Variants in FAM83H observed in about 807,000 individuals in gnomAD.
FAM83H encodes scaffolding CK1 anchoring protein H.
Under a neutral mutation model 30.2 loss-of-function variants are expected in FAM83H, and 24 were observed. The ratio of observed to expected loss-of-function variants is 0.79; its 90% CI spans 0.57 to 1.12. The LOEUF (loss-of-function observed/expected upper bound fraction) is 1.12, where lower values mean the gene tolerates loss of function less well. Ranked by LOEUF, FAM83H falls within the 50% of genes most tolerant of loss-of-function variation. The pLI is 0.00. For synonymous variants in FAM83H, 1,013 were observed against 821.7 expected (o/e 1.23, Z -3.98); for missense variants, 2,038 against 1,773.9 (o/e 1.15, Z -2.67).
At chr8:143,731,868 TG>T in intron 1 of FAM83H, 1 of 985,032 alleles carries the variant, frequency 1.0e-6, no homozygotes, top group Non-Finnish European at 1.2e-6. Flanking sequence ...AGGTGTCAGA[TG>T]GGGAGCGCCC....
chr8:143,726,185 G>A lies in FAM83H; in HGVS notation c.3276C>T (p.Ala1092=), dbSNP rs561597324. The change falls in exon 5 of 5, where the codon GCC becomes GCT. Residue 1092 remains alanine, a synonymous_variant. Transcript: ENST00000388913. ...TCCCCAAGCTGTCCGAGCGGAAGAT[G>A]GCTGAACACTTGTCCTTGTCGGACA... ...PDMSDKDKCS[A]IFRSDSLGTQ... is the part of the protein sequence containing the mutation. 6.2e-7 allele frequency: 1 copy of A among 1,612,374 alleles called. No homozygotes were observed. The highest frequency in any genetic ancestry group is 1.3e-5 in the African/African-American group (1 of 75,050).
At position 143,726,628 on chromosome 8, in the gene FAM83H, A is replaced by G; in HGVS notation, c.2833T>C (p.Ser945Pro). 1 of 1,597,812 alleles carries G rather than the reference A, an allele frequency of 6.3e-7. No individual in the cohort carries two copies. The highest frequency in any genetic ancestry group is 8.5e-7 in the Non-Finnish European group (1 of 1,177,790). ...TCCTCCGCGGGCCCGGCCTTCGGGG[A>G]CTCCCCGGAGATGGTAAGGGTGAGG... ...GSLTLTISGE[S>P]PKAGPAEEGP... is the part of the protein sequence containing the mutation. Residue 945 changes from serine (S) to proline (P), a missense_variant, in exon 5 of 5, where the codon TCC (serine) becomes CCC (proline). Coordinates refer to ENST00000388913, the MANE Select transcript of FAM83H (RefSeq NM_198488.5).
Position 143,727,628 on chromosome 8 carries a change from G to C in FAM83H, c.1833C>G (p.Asp611Glu). The change falls in exon 5 of 5, where the codon GAC (aspartate) becomes GAG (glutamate). Residue 611 changes from aspartate (D) to glutamate (E), a missense_variant. By Grantham distance (45) the Asp-to-Glu change is conservative (BLOSUM62 2). Transcript: ENST00000388913. Reference sequence around the variant, plus strand: ...CCCGGCCCCCGGGAGCCAGCACGTCGTCTTCGTAAGCCTCCGCTTCCATGG... The same window carrying C: ...CCCGGCCCCCGGGAGCCAGCACGTCCTCTTCGTAAGCCTCCGCTTCCATGG... ...PAPMEAEAYE[D>E]DVLAPGGRAP... 6.3e-7 allele frequency: 1 copy of C among 1,580,142 alleles called. No homozygotes were observed. The highest frequency in any genetic ancestry group is 8.5e-7 in the Non-Finnish European group (1 of 1,170,260).
chr8:143,732,633 C>T (rs1818568740), intron 1 of FAM83H: 1 of 985,350 alleles, frequency 1.0e-6, no homozygotes, highest in African/African-American at 1.7e-5. Context: ...AGCAGACATG[C>T]CTCGTCCTCA....
In FAM83H at chr8:143,729,285, G is replaced by T; in HGVS notation, c.486C>A (p.Asp162Glu). 1.2e-6 allele frequency: 2 copies of T among 1,613,372 alleles called. No homozygotes were observed. The highest frequency in any genetic ancestry group is 2.2e-5 in the South Asian group (2 of 91,086). Residue 162 changes from aspartate to glutamate, a missense_variant, in exon 3 of 5, where the codon GAC becomes GAA. By Grantham distance (45) the Asp-to-Glu change is conservative (BLOSUM62 2). Transcript: ENST00000388913. ...AVVMDMFTDV[D>E]LLSEVLEAAA... ...CGGCCTCCAGCACTTCGCTGAGCAG[G>T]TCCACATCAGTGAACATGTCCATCA...
chr8:143,732,304 G>A, intron 1 of FAM83H: 1 of 985,422 alleles, frequency 1.0e-6, no homozygotes, highest in Non-Finnish European at 1.2e-6. Flanking sequence ...TGACATATGG[G>A]GCTGGTTAGG....
chr8:143,727,963 G>T lies in FAM83H; in HGVS notation c.1498C>A (p.Leu500Ile). The change falls in exon 5 of 5, where the codon CTC becomes ATC. Residue 500 changes from leucine (L) to isoleucine (I), a missense_variant. Transcript: ENST00000388913. ...TLGAGPRFPE[L>I]GPDGHQRLDY... ...AGCCGCTGGTGCCCGTCGGGTCCGAGCTCCGGGAAGCGGGGCCCGGCGCCC... is the reference window on the plus strand; with the variant it reads ...AGCCGCTGGTGCCCGTCGGGTCCGATCTCCGGGAAGCGGGGCCCGGCGCCC... 6.4e-7 allele frequency: 1 copy of T among 1,565,104 alleles called. No homozygotes were observed. Among genetic ancestry groups the T allele is most frequent in the East Asian group, 2.3e-5 (1 of 43,552 alleles).
intron 1 of FAM83H, chr8:143,732,392 C>G (rs1818555774): frequency 1.0e-6 from 1 of 985,256 alleles, no homozygotes; most frequent in Non-Finnish European, 1.2e-6. Flanking sequence ...CTGGCTGGGC[C>G]GAGGAGCCCA....
At position 143,727,945 on chromosome 8, in the gene FAM83H, G is replaced by T. The variant is rs1554622998; in HGVS notation, c.1516C>A (p.Gln506Lys). 3 of 1,548,930 alleles carry T rather than the reference G, an allele frequency of 1.9e-6. No individual in the cohort carries two copies. The Admixed American group carries it at 5.8e-5, about 30-fold the overall frequency. ...CTGGACGGCACGTAGTCCAGCCGCT[G>T]GTGCCCGTCGGGTCCGAGCTCCGGG... is the stretch of plus-strand genomic sequence containing the variant. ...RFPELGPDGH[Q>K]RLDYVPSSAS... The change falls in exon 5 of 5, where the codon CAG becomes AAG. Residue 506 changes from glutamine (Q) to lysine (K), a missense_variant. Gln to Lys is a moderately conservative substitution (Grantham distance 53). Coordinates refer to ENST00000388913, the MANE Select transcript of FAM83H (RefSeq NM_198488.5).
At position 143,729,060 on chromosome 8, in the gene FAM83H, G is replaced by T. The variant is rs782246993; in HGVS notation, c.644C>A (p.Thr215Asn). 2 of 1,613,548 alleles carry T rather than the reference G, an allele frequency of 1.2e-6. No homozygotes were observed. Among genetic ancestry groups the T allele is most frequent in the Admixed American group, 3.3e-5 (2 of 60,030 alleles). ...FLRVRTVAGPTYYCRTGKSFK... is the reference protein window; with the variant it reads ...FLRVRTVAGPNYYCRTGKSFK... ...GGACTTCCCAGTGCGGCAGTAGTAG[G>T]TGGGGCCCGCCACAGTCCGTACGCG... Residue 215 changes from threonine (T) to asparagine (N), a missense_variant, in exon 4 of 5, where the codon ACC (threonine) becomes AAC (asparagine). By Grantham distance (65) the Thr-to-Asn change is moderately conservative. Coordinates refer to ENST00000388913, the MANE Select transcript of FAM83H (RefSeq NM_198488.5).
chr8:143,727,982 G>A lies in FAM83H; in HGVS notation c.1479C>T (p.Ala493=), dbSNP rs782798167. The A allele has an allele frequency of 5.1e-6, 8 of 1,578,918 alleles. No individual in the cohort carries two copies. The Admixed American group carries it at 7.3e-5, about 14-fold the overall frequency. ...GTCCGAGCTCCGGGAAGCGGGGCCC[G>A]GCGCCCAGGGTGAAGTCATCCGGGT... ...FADPDDFTLG[A]GPRFPELGPD... is the part of the protein sequence containing the mutation. Residue 493 remains alanine, a synonymous_variant, in exon 5 of 5, where the codon GCC becomes GCT. Transcript: ENST00000388913.
At position 143,730,356 on chromosome 8, in the gene FAM83H, C is replaced by T. The variant is rs782095942; in HGVS notation, c.227G>A (p.Arg76Gln). The change falls in exon 2 of 5, where the codon CGA becomes CAA. Residue 76 changes from arginine (R) to glutamine (Q), a missense_variant. By Grantham distance (43) the Arg-to-Gln change is conservative (BLOSUM62 1). Transcript: ENST00000388913. The part of the protein sequence containing the change: ...RHLRPPQYVT[R>Q]EPPEGSLLDV... ...GAGAAGGCTGCCTTCAGGTGGCTCT[C>T]GGGTAACATACTGCGGAGGCCGAAG... is the stretch of plus-strand genomic sequence containing the variant. The T allele has an allele frequency of 2.6e-5, 42 of 1,613,570 alleles. No homozygotes were observed. The highest frequency in any genetic ancestry group is 1.6e-4 in the Middle Eastern group (1 of 6,080).
rs1554621678 is a variant in FAM83H at position 143,726,282 on chromosome 8, G to A, written c.3179C>T (p.Pro1060Leu). 3 of 1,612,144 alleles carry A rather than the reference G, an allele frequency of 1.9e-6. No homozygotes were observed. Among genetic ancestry groups the A allele is most frequent in the Admixed American group, 1.7e-5 (1 of 59,964 alleles). The change falls in exon 5 of 5, where the codon CCG becomes CTG. Residue 1060 changes from proline (P) to leucine (L), a missense_variant. By Grantham distance (98) the Pro-to-Leu change is moderately conservative. Coordinates refer to ENST00000388913, the MANE Select transcript of FAM83H (RefSeq NM_198488.5). Reference sequence around the variant, plus strand: ...GCTGTTGTGGGTCGGGCCGGGGCTCGGGGCAGGGACCGCACGGTGCTTCTG... The same window carrying A: ...GCTGTTGTGGGTCGGGCCGGGGCTCAGGGCAGGGACCGCACGGTGCTTCTG... ...HGQKHRAVPA[P>L]SPGPTHNSPE... is the part of the protein sequence containing the mutation.
At chr8:143,732,246 G>C (rs1350016047) in intron 1 of FAM83H, 1 of 985,310 alleles carries the variant, frequency 1.0e-6, no homozygotes, top group Non-Finnish European at 1.2e-6. Context: ...CAACCGGCTT[G>C]GGAGAAGCTG....
In FAM83H at chr8:143,730,423, C is replaced by T; in HGVS notation, c.160G>A (p.Asp54Asn). 1 of 1,612,862 alleles carries T rather than the reference C, an allele frequency of 6.2e-7. No individual in the cohort carries two copies. The highest frequency in any genetic ancestry group is 1.3e-5 in the African/African-American group (1 of 75,070). Reference protein sequence around the residue: ...SRFLATEGAPDFLCPEELEHV... With the variant: ...SRFLATEGAPNFLCPEELEHV... ...TCCAGCTCTTCAGGGCACAGGAAGT[C>T]TGGTGCCCCCTCGGTAGCGAGGAAG... Residue 54 changes from aspartate to asparagine, a missense_variant, in exon 2 of 5, where the codon GAC (aspartate) becomes AAC (asparagine). Asp to Asn is a conservative substitution (Grantham distance 23). Coordinates refer to ENST00000388913, the MANE Select transcript of FAM83H (RefSeq NM_198488.5).
Position 143,726,589 on chromosome 8 carries a change from G to C in FAM83H, c.2872C>G (p.Pro958Ala). 2.5e-6 allele frequency: 4 copies of C among 1,600,816 alleles called. No individual in the cohort carries two copies. Among genetic ancestry groups the C allele is most frequent in the Non-Finnish European group, 2.5e-6 (3 of 1,178,514 alleles). The change falls in exon 5 of 5, where the codon CCC (proline) becomes GCC (alanine). Residue 958 changes from proline to alanine, a missense_variant. By Grantham distance (27) the Pro-to-Ala change is conservative. Transcript: ENST00000388913. ...AGPAEEGPSG[P>A]MEVLRKGSLR... Reference sequence around the variant, plus strand: ...GAGCCTTTGCGCAGGACTTCCATGGGGCCGCTCGGCCCCTCCTCCGCGGGC... The same window carrying C: ...GAGCCTTTGCGCAGGACTTCCATGGCGCCGCTCGGCCCCTCCTCCGCGGGC...
In FAM83H at chr8:143,726,922, C is replaced by T. The variant is rs902408587; in HGVS notation, c.2539G>A (p.Gly847Arg). ...TCCAGCGGCAGAGGGCTGTCCAGCC[C>T]TTGCGGGGACGTTGAGTGGCTCTGG... ...SAQSHSTSPQ[G>R]LDSPLPLEGS... Residue 847 changes from glycine (G) to arginine (R), a missense_variant, in exon 5 of 5, where the codon GGG (glycine) becomes AGG (arginine). Coordinates refer to ENST00000388913, the MANE Select transcript of FAM83H (RefSeq NM_198488.5). 11 of 1,612,040 alleles carry T rather than the reference C, an allele frequency of 6.8e-6. No homozygotes were observed. In the South Asian group the frequency reaches 7.7e-5, roughly 11 times the overall value.
chr8:143,731,689 C>T lies in FAM83H; in HGVS notation c.-15-1092G>A, dbSNP rs1259930272. The stretch of plus-strand genomic sequence containing the variant: ...GCCCTGCAGGGCCTGCACTCCACAT[C>T]GCCCAAATCTGGCTCTCCACTTGCT... On this transcript the variant is annotated intron_variant, in intron 1 of 4. Transcript: ENST00000388913. 13 of 985,358 alleles carry T rather than the reference C, an allele frequency of 1.3e-5. No individual in the cohort carries two copies. The African/African-American group carries it at 1.7e-4, about 13-fold the overall frequency. The allele number at this position is 985,358 out of a possible 1,614,324, so 61.0% of individuals were successfully genotyped here.
rs530884669 is a variant in FAM83H, at chr8:143,728,192, G to C, written c.1269C>G (p.Phe423Leu). 157 of 1,604,616 alleles carry C rather than the reference G, an allele frequency of 9.8e-5. 2 individuals carry two copies. The South Asian group carries it at 1.7e-3, about 17-fold the overall frequency. The stretch of plus-strand genomic sequence containing the variant: ...GCCGCGACACCTGCCGCGCGGCCGC[G>C]AAGTTCTCCACGGCGCCCGCGCCCT... The part of the protein sequence containing the change: ...ATEGAGAVEN[F>L]AAARQVSRQT... The change falls in exon 5 of 5, where the codon TTC (phenylalanine) becomes TTG (leucine). Residue 423 changes from phenylalanine to leucine, a missense_variant. Coordinates refer to ENST00000388913, the MANE Select transcript of FAM83H (RefSeq NM_198488.5).
Sources: gnomAD v4.1 joint callset for allele counts on GRCh38, gnomAD v4.1.1 for gene constraint, MANE v1.5 for transcripts, NCBI Gene and HGNC (gene_info 2026-07-23, HGNC 2026-07-21) for gene names.